Variants in MYO6 observed in about 807,000 individuals in gnomAD.
The protein encoded by MYO6 is unconventional myosin-VI.
A neutral mutation model predicts 178.7 loss-of-function variants in MYO6; 74 were observed. The observed-to-expected ratio is 0.41, with a 90% confidence interval of 0.34 to 0.50. The LOEUF is 0.50. MYO6 is among the 20% of genes least tolerant of loss of function. The pLI, the probability that MYO6 is intolerant of heterozygous loss-of-function variation, is 0.09. For synonymous variants in MYO6, 477 were observed against 504.6 expected (o/e 0.95, Z 0.73); for missense variants, 1,330 against 1,547.4 (o/e 0.86, Z 2.36).
chr6:75,834,406 A>AT (rs1483206375), intron 6 of MYO6, among the ~76,000 whole-genome samples: 2 of 151,488 alleles, frequency 1.3e-5, no homozygotes, highest in African/African-American at 4.9e-5. Flanking sequence ...CTAATTTTTT[A>AT]TTTTTTTGTA....
rs190296672 is a variant in MYO6, at chr6:75,755,947, T to C, written c.-48+6524T>C. The stretch of plus-strand genomic sequence containing the variant: ...TGTCAAAATTGTGCAATTTAAAGGC[T>C]ACTGCATGACTTACTTGCTCTGGAA... On this transcript the variant is annotated intron_variant, in intron 1 of 34. Coordinates refer to ENST00000369977, the MANE Select transcript of MYO6 (RefSeq NM_004999.4). Among the ~76,000 whole-genome samples, 18 of 152,356 alleles carry C rather than the reference T, an allele frequency of 1.2e-4. No individual in the cohort carries two copies. The East Asian group carries it at 3.3e-3, about 28-fold the overall frequency.
At chr6:75,794,740 TA>T (rs1311440135) in intron 1 of MYO6, among the ~76,000 whole-genome samples, 1 of 116,404 alleles carries the variant, frequency 8.6e-6, no homozygotes, top group African/African-American at 5.7e-5. Context: ...GCAAAAAAAA[TA>T]AAAAAAATAA....
chr6:75,826,790 G>A lies in MYO6; in HGVS notation c.188-1750G>A, dbSNP rs145897578. Among the ~76,000 whole-genome samples the A allele has an allele frequency of 3.3e-5, 5 of 152,210 alleles. No individual in the cohort carries two copies. In the East Asian group the frequency reaches 9.7e-4, roughly 29 times the overall value. On this transcript the variant is annotated intron_variant, in intron 3 of 34. Transcript: ENST00000369977. ...ACTCTCTTTTATTCTGCCCTAAGTGGCACTAGAAAGCAGTGAGGTGACTGA... is the reference window on the plus strand; with the variant it reads ...ACTCTCTTTTATTCTGCCCTAAGTGACACTAGAAAGCAGTGAGGTGACTGA...
intron 12 of MYO6, among the ~76,000 whole-genome samples, chr6:75,855,556 G>A (rs543321857): frequency 1.1e-4 from 16 of 152,152 alleles, no homozygotes; most frequent in African/African-American, 3.9e-4. Flanking sequence ...GACAGTTTTA[G>A]GCAACAGATC....
intron 1 of MYO6, among the ~76,000 whole-genome samples, chr6:75,809,262 T>A (rs192182215): frequency 2.0e-5 from 3 of 152,182 alleles, no homozygotes; most frequent in African/African-American, 7.2e-5. Context: ...GTTCCGAGAT[T>A]TTTTTCCTTT....
chr6:75,906,605 G>A (rs946021903), intron 30 of MYO6, among the ~76,000 whole-genome samples: 21 of 152,214 alleles, frequency 1.4e-4, no homozygotes, highest in African/African-American at 4.3e-4. Context: ...GAGCCCGGGT[G>A]GTGGAGGTTG....
intron 32 of MYO6, among the ~76,000 whole-genome samples, 153 bp from the exon 33 acceptor site, chr6:75,911,519 G>C (rs910178508): frequency 1.3e-5 from 2 of 151,902 alleles, no homozygotes; most frequent in Non-Finnish European, 2.9e-5. Context: ...AGCAGCACCT[G>C]CTTTTAGGTA....
chr6:75,779,513 A>T (rs2150047181), intron 1 of MYO6, among the ~76,000 whole-genome samples: 1 of 152,258 alleles, frequency 6.6e-6, no homozygotes, highest in Non-Finnish European at 1.5e-5. Context: ...AAAAAAAAAA[A>T]TTCTTAATAA....
chr6:75,820,659 C>G (rs1473066041), intron 2 of MYO6, among the ~76,000 whole-genome samples: 1 of 152,152 alleles, frequency 6.6e-6, no homozygotes, highest in East Asian at 1.9e-4. Context: ...GTGTGAGCCA[C>G]CGCACCTGGC....
Position 75,881,683 on chromosome 6 carries a change from T to C in MYO6, c.2287-6T>C. The C allele has an allele frequency of 6.2e-7, 1 of 1,612,822 alleles. No individual in the cohort carries two copies. Among genetic ancestry groups the C allele is most frequent in the Non-Finnish European group, 8.5e-7 (1 of 1,178,926 alleles). ...AATACTGATACTAAATTATTTCACT[T>C]CCTAGTTTGCAGAATTTGATCAGAT... On this transcript the variant is annotated splice_polypyrimidine_tract_variant and splice_region_variant and intron_variant, in intron 22 of 34. Transcript: ENST00000369977.
intron 28 of MYO6, among the ~76,000 whole-genome samples, chr6:75,892,972 TAA>T (rs974609107): frequency 4.6e-5 from 7 of 152,112 alleles, no homozygotes; most frequent in Admixed American, 3.3e-4. Flanking sequence ...TGAAATTGTT[TAA>T]GAGTATAGTA....
intron 10 of MYO6, among the ~76,000 whole-genome samples, chr6:75,845,824 A>G (rs1175163884): frequency 2.6e-5 from 4 of 151,834 alleles, no homozygotes; most frequent in Non-Finnish European, 5.9e-5. Context: ...GTCTCTACCA[A>G]AAAATTACAA....
intron 1 of MYO6, among the ~76,000 whole-genome samples, chr6:75,808,532 CAA>C (rs1770337076): frequency 6.6e-6 from 1 of 152,108 alleles, no homozygotes; most frequent in Non-Finnish European, 1.5e-5. Context: ...TTGGGGGGAA[CAA>C]AATTCAGTCC....
intron 1 of MYO6, among the ~76,000 whole-genome samples, chr6:75,805,318 A>G (rs1249379517): frequency 6.6e-6 from 1 of 151,932 alleles, no homozygotes; most frequent in East Asian, 1.9e-4. Context: ...ACCTAACTAT[A>G]TTTCTAAAAG....
chr6:75,810,283 A>G (rs1214819840), intron 1 of MYO6, among the ~76,000 whole-genome samples: 1 of 152,202 alleles, frequency 6.6e-6, no homozygotes, highest in Non-Finnish European at 1.5e-5. Context: ...CTACAGATGC[A>G]AATTTCCTCC....
chr6:75,907,407 G>T (rs981482848), intron 30 of MYO6, among the ~76,000 whole-genome samples, 198 bp from the exon 31 acceptor site: 22 of 152,148 alleles, frequency 1.4e-4, no homozygotes, highest in Non-Finnish European at 1.5e-5. Context: ...TGACTATCGA[G>T]TGGCATGCTG....
At chr6:75,803,413 G>A (rs1036625844) in intron 1 of MYO6, among the ~76,000 whole-genome samples, 4 of 152,028 alleles carry the variant, frequency 2.6e-5, no homozygotes, top group Non-Finnish European at 5.9e-5. Flanking sequence ...AGTTTCCTAG[G>A]TTATACTTGG....
At chr6:75,775,110 A>G (rs1018971371) in intron 1 of MYO6, among the ~76,000 whole-genome samples, 10 of 152,232 alleles carry the variant, frequency 6.6e-5, no homozygotes, top group African/African-American at 2.4e-4. Context: ...TATTTTATGT[A>G]TACAAGATTA....
intron 3 of MYO6, among the ~76,000 whole-genome samples, chr6:75,827,192 TG>T (rs1439458318): frequency 2.0e-5 from 3 of 152,188 alleles, no homozygotes; most frequent in Admixed American, 6.5e-5. Flanking sequence ...TGGCAGTGTG[TG>T]GTAAGAACCA....
Sources: allele counts gnomAD v4.1 joint callset (sites outside exome capture counted in the v4.1 genomes callset), GRCh38; gene constraint gnomAD v4.1.1; transcripts MANE v1.5; gene names NCBI Gene and HGNC (gene_info 2026-07-23, HGNC 2026-07-21).